NRXN1: variants seen among roughly 807,000 people sequenced by gnomAD.
The protein encoded by NRXN1 is neurexin-1.
Under a neutral mutation model 150.9 loss-of-function variants are expected in NRXN1, and 39 were observed. The ratio of observed to expected loss-of-function variants is 0.26; its 90% CI spans 0.20 to 0.34. The LOEUF (loss-of-function observed/expected upper bound fraction) is 0.34, where lower values mean the gene tolerates loss of function less well. Ranked by LOEUF, NRXN1 falls within the 10% of genes least tolerant of loss-of-function variation. The pLI is 1.00. For missense variants in NRXN1, 1,815 were observed against 1,949.9 expected (o/e 0.93, Z 1.30); for synonymous variants, 924 against 757.0 (o/e 1.22, Z -3.62).
At chr2:50,447,704 A>T (rs1008241038) in intron 17 of NRXN1, among the ~76,000 whole-genome samples, 1 of 131,240 alleles carries the variant, frequency 7.6e-6, no homozygotes, top group Non-Finnish European at 1.6e-5. Flanking sequence ...AGATTCCTAG[A>T]TTTTTAAAAA....
At chr2:50,691,150 G>A (rs991817722) in intron 5 of NRXN1, among the ~76,000 whole-genome samples, 50 of 152,256 alleles carry the variant, frequency 3.3e-4, no homozygotes, top group Admixed American at 6.5e-4. Flanking sequence ...TTTCAAAGAC[G>A]TGAAGAGAGT....
intron 5 of NRXN1, among the ~76,000 whole-genome samples, chr2:50,900,126 AAAT>A (rs1212908485): frequency 1.3e-5 from 2 of 152,230 alleles, no homozygotes; most frequent in Admixed American, 6.5e-5. Flanking sequence ...CAAATAAAAG[AAAT>A]AATATCTCCC....
At chr2:50,203,899 G>T (rs1487497710) in intron 18 of NRXN1, among the ~76,000 whole-genome samples, 4 of 151,736 alleles carry the variant, frequency 2.6e-5, no homozygotes. Context: ...GTTTTCCTGG[G>T]GAAAAACAAT....
intron 17 of NRXN1, among the ~76,000 whole-genome samples, chr2:50,361,015 TGAGTAAATAACGAAAC>T (rs1333581275): frequency 6.6e-6 from 1 of 152,112 alleles, no homozygotes; most frequent in East Asian, 1.9e-4. Context: ...GAATGACTAC[TGAGTAAATAACGAAAC>T]GAAGGCAGAA....
At chr2:50,200,602 A>G (rs10181886) in intron 18 of NRXN1, among the ~76,000 whole-genome samples, 77 of 151,996 alleles carry the variant, frequency 5.1e-4, no homozygotes, top group Non-Finnish European at 9.0e-4. Context: ...CCCTTCTAAA[A>G]CTCTCTAGCT....
chr2:50,135,680 G>T (rs1194494963), intron 18 of NRXN1, among the ~76,000 whole-genome samples: 2 of 151,784 alleles, frequency 1.3e-5, no homozygotes, highest in Non-Finnish European at 2.9e-5. Flanking sequence ...GACAGAGCAA[G>T]ACTCCATCTC....
intron 10 of NRXN1, among the ~76,000 whole-genome samples, chr2:50,535,660 T>C (rs932728543): frequency 6.6e-6 from 1 of 152,208 alleles, no homozygotes; most frequent in Non-Finnish European, 1.5e-5. Flanking sequence ...CTTTTATTCA[T>C]TGAACATTAT....
chr2:50,592,558 T>C (rs145010175), intron 8 of NRXN1, among the ~76,000 whole-genome samples: 163 of 152,276 alleles, frequency 1.1e-3, no homozygotes, highest in South Asian at 8.3e-3. Context: ...GAGGTAACTT[T>C]TGGAACAGAG....
At chr2:50,125,480 C>A (rs1014911240) in intron 18 of NRXN1, among the ~76,000 whole-genome samples, 19 of 152,156 alleles carry the variant, frequency 1.2e-4, no homozygotes, top group African/African-American at 4.1e-4. Context: ...CTGGGGATAA[C>A]AGCAACCTAG....
chr2:50,265,322 C>G (rs1417376636), intron 17 of NRXN1, among the ~76,000 whole-genome samples: 3 of 152,110 alleles, frequency 2.0e-5, no homozygotes, highest in Non-Finnish European at 4.4e-5. Flanking sequence ...TTAATCCTAG[C>G]AAGGCCAGAG....
chr2:50,814,141 A>T lies in NRXN1; in HGVS notation c.832+107728T>A, dbSNP rs182183711. 2.8e-3 allele frequency among the ~76,000 whole-genome samples: 433 copies of T among 152,154 alleles called. 2 individuals are homozygous for T. The highest frequency in any genetic ancestry group is 4.9e-3 in the Non-Finnish European group (333 of 67,990). ...TTCATCAGTGATAATATGTGACTAG[A>T]CTTTCTACCCTCTCTGTTTGTTTTT... On this transcript the variant is annotated intron_variant, in intron 5 of 22. Coordinates refer to ENST00000401669, the MANE Select transcript of NRXN1 (RefSeq NM_001330078.2).
At chr2:50,884,621 G>A (rs529776006) in intron 5 of NRXN1, among the ~76,000 whole-genome samples, 33 of 151,450 alleles carry the variant, frequency 2.2e-4, no homozygotes, top group Non-Finnish European at 4.3e-4. Flanking sequence ...CATGTTTTCC[G>A]AGAGCACATT....
intron 8 of NRXN1, among the ~76,000 whole-genome samples, chr2:50,604,330 G>A (rs1307831238): frequency 6.6e-6 from 1 of 152,140 alleles, no homozygotes; most frequent in Non-Finnish European, 1.5e-5. Context: ...ACATGAAGCT[G>A]CAGTTTAATA....
At chr2:50,463,804 G>A (rs1043525429) in intron 17 of NRXN1, among the ~76,000 whole-genome samples, 2 of 151,586 alleles carry the variant, frequency 1.3e-5, no homozygotes, top group Non-Finnish European at 3.0e-5. Context: ...GCATAGTTTG[G>A]CAGAAAAAGT....
chr2:50,815,117 T>C (rs1668745497), intron 5 of NRXN1, among the ~76,000 whole-genome samples: 1 of 152,146 alleles, frequency 6.6e-6, no homozygotes, highest in Non-Finnish European at 1.5e-5. Context: ...TAAACCAATT[T>C]ACCTTGACTG....
intron 12 of NRXN1, among the ~76,000 whole-genome samples, chr2:50,513,134 A>T (rs2092516187): frequency 6.6e-6 from 1 of 152,170 alleles, no homozygotes; most frequent in African/African-American, 2.4e-5. Context: ...ATTTGTTGTA[A>T]GGACTAAGGG....
chr2:50,777,407 T>C (rs2105489606), intron 5 of NRXN1, among the ~76,000 whole-genome samples: 1 of 152,274 alleles, frequency 6.6e-6, no homozygotes, highest in South Asian at 2.1e-4. Flanking sequence ...CAAGGGAGTC[T>C]TTTGCAAGAC....
intron 9 of NRXN1, 120 bp from the exon 10 acceptor site, chr2:50,538,756 T>C (rs1032622151): frequency 1.3e-6 from 1 of 781,730 alleles, no homozygotes; most frequent in African/African-American, 1.9e-5. Context: ...ATTATTATTC[T>C]TTCTGTCCTC....
chr2:49,962,337 C>T (rs1676112978), intron 21 of NRXN1, among the ~76,000 whole-genome samples: 2 of 152,150 alleles, frequency 1.3e-5, no homozygotes, highest in South Asian at 2.1e-4. Context: ...AACCCATTTG[C>T]ATCCCGTAAT....
Sources: gnomAD v4.1 joint callset for allele counts (sites outside exome capture counted in the v4.1 genomes callset) on GRCh38, gnomAD v4.1.1 for gene constraint, MANE v1.5 for transcripts, NCBI Gene and HGNC (gene_info 2026-07-23, HGNC 2026-07-21) for gene names.